The following BLTP1 variants were observed in gnomAD, a reference collection of about 807,000 sequenced individuals.
BLTP1 encodes fragile site-associated protein.
the BLTP1 span, among the ~76,000 whole-genome samples, chr4:122,273,819 AC>A: frequency 6.6e-6 from 1 of 152,064 alleles, no homozygotes; most frequent in Non-Finnish European, 1.5e-5. Context: ...TTTACAATTT[AC>A]CCATTAAAAT....
At chr4:122,232,978 T>C in the BLTP1 span, among the ~76,000 whole-genome samples, 2 of 152,256 alleles carry the variant, frequency 1.3e-5, no homozygotes, top group Non-Finnish European at 1.5e-5. Flanking sequence ...TTTCTGATAT[T>C]ACTGGAAGAG....
chr4:122,273,827 A>G, the BLTP1 span, among the ~76,000 whole-genome samples: 1 of 152,056 alleles, frequency 6.6e-6, no homozygotes, highest in Non-Finnish European at 1.5e-5. Context: ...TTACCCATTA[A>G]AATTATACTG....
the BLTP1 span, chr4:122,209,001 AAAAG>A: frequency 9.2e-6 from 6 of 650,978 alleles, no homozygotes; most frequent in Non-Finnish European, 1.1e-5. Flanking sequence ...AAAAAAAAAA[AAAAG>A]ATAAATAATA....
the BLTP1 span, chr4:122,188,034 AT>A: frequency 6.3e-7 from 1 of 1,585,616 alleles, no homozygotes; most frequent in East Asian, 2.3e-5. Flanking sequence ...AAGCTTGAAA[AT>A]GTTCGAGTCA....
chr4:122,247,677 C>A, the BLTP1 span: 2 of 1,056,262 alleles, frequency 1.9e-6, no homozygotes, highest in Non-Finnish European at 2.3e-6. Flanking sequence ...AAGACATGAT[C>A]TTTATAGTCT....
At chr4:122,236,989 T>C in the BLTP1 span, 73 of 985,268 alleles carry the variant, frequency 7.4e-5, no homozygotes, top group African/African-American at 1.2e-3. Flanking sequence ...AGGATCTATT[T>C]GGAAGGTCAG....
At chr4:122,175,318 A>G in the BLTP1 span, 1 of 936,658 alleles carries the variant, frequency 1.1e-6, no homozygotes, top group Non-Finnish European at 1.3e-6. Context: ...TAAAAAGCTC[A>G]GAGACTGTAA....
the BLTP1 span, chr4:122,220,986 A>G: frequency 1.8e-6 from 1 of 556,894 alleles, no homozygotes; most frequent in Non-Finnish European, 2.3e-6. Flanking sequence ...AATGTATTAC[A>G]TTTCTGGGTA....
At chr4:122,273,514 C>A in the BLTP1 span, 1 of 820,370 alleles carries the variant, frequency 1.2e-6, no homozygotes, top group Non-Finnish European at 1.5e-6. Context: ...TCAGTTTTTT[C>A]ATCTGTTTAG....
the BLTP1 span, among the ~76,000 whole-genome samples, chr4:122,217,424 A>G: frequency 3.3e-5 from 5 of 151,958 alleles, no homozygotes; most frequent in African/African-American, 4.8e-5. Context: ...GGGAATTGCA[A>G]TTAATTCATA....
At chr4:122,187,537 T>C in the BLTP1 span, 1 of 1,601,470 alleles carries the variant, frequency 6.2e-7, no homozygotes, top group East Asian at 2.2e-5. Context: ...CTACAATTAC[T>C]GTTTCATGGG....
the BLTP1 span, chr4:122,334,322 A>G: frequency 6.8e-7 from 1 of 1,480,678 alleles, no homozygotes; most frequent in Admixed American, 1.7e-5. Context: ...TTAATTTTAA[A>G]AGTTTATTTA....
chr4:122,179,811 G>A, the BLTP1 span: 1 of 981,716 alleles, frequency 1.0e-6, no homozygotes, highest in Non-Finnish European at 1.2e-6. Context: ...GCCCACACAA[G>A]TGCTAGTACA....
the BLTP1 span, chr4:122,175,838 T>A: frequency 6.4e-7 from 1 of 1,556,440 alleles, no homozygotes; most frequent in Non-Finnish European, 8.8e-7. Context: ...TTTTGTAATT[T>A]CCCTTTCTTA....
At chr4:122,301,521 C>T in the BLTP1 span, 1 of 501,600 alleles carries the variant, frequency 2.0e-6, no homozygotes, top group Non-Finnish European at 3.4e-6. Flanking sequence ...ATAACTCCAT[C>T]TACTCAGAGA....
the BLTP1 span, among the ~76,000 whole-genome samples, chr4:122,163,500 A>C: frequency 2.6e-5 from 4 of 152,234 alleles, no homozygotes; most frequent in Non-Finnish European, 5.9e-5. Context: ...ACAGGTGTTC[A>C]TAATGAGCAG....
chr4:122,320,081 C>G, the BLTP1 span, among the ~76,000 whole-genome samples: 3 of 152,122 alleles, frequency 2.0e-5, no homozygotes, highest in African/African-American at 7.2e-5. Flanking sequence ...GAGTCTCAAA[C>G]TGTAATAGTG....
the BLTP1 span, chr4:122,249,853 T>G: frequency 1.0e-6 from 1 of 980,626 alleles, no homozygotes; most frequent in Non-Finnish European, 1.2e-6. Context: ...ATTGCTTAAG[T>G]GGAGCTTTTC....
the BLTP1 span, among the ~76,000 whole-genome samples, chr4:122,265,666 A>G: frequency 6.6e-6 from 1 of 152,126 alleles, no homozygotes; most frequent in African/African-American, 2.4e-5. Flanking sequence ...CATTGTGTAA[A>G]TGGCACTTGT....
Sources: allele counts gnomAD v4.1 joint callset (sites outside exome capture counted in the v4.1 genomes callset), GRCh38; gene constraint gnomAD v4.1.1; transcripts MANE v1.5; gene names NCBI Gene and HGNC (gene_info 2026-07-23, HGNC 2026-07-21).